ISM2: variants seen among roughly 807,000 people sequenced by gnomAD.
ISM2 encodes isthmin 2.
Under a neutral mutation model 58.0 loss-of-function variants are expected in ISM2, and 50 were observed. The ratio of observed to expected loss-of-function variants is 0.86; its 90% CI spans 0.69 to 1.09. The LOEUF is 1.09. ISM2 is among the 50% of genes least tolerant of loss of function. ISM2 has a pLI of 0.00. For missense variants in ISM2, 723 were observed against 745.0 expected, an observed-to-expected ratio of 0.97 and a Z score of 0.34; for synonymous variants, 303 against 312.4, an observed-to-expected ratio of 0.97 and a Z score of 0.32.
At chr14:77,496,890 A>G (rs1238773764) in intron 1 of ISM2, among the ~76,000 whole-genome samples, 2 of 151,326 alleles carry the variant, frequency 1.3e-5, no homozygotes, top group Non-Finnish European at 2.9e-5. Context: ...AAGGGGGCAG[A>G]AAAAAAGGTA....
At chr14:77,488,515 C>T (rs2139967083) in intron 1 of ISM2, among the ~76,000 whole-genome samples, 1 of 152,292 alleles carries the variant, frequency 6.6e-6, no homozygotes, top group Non-Finnish European at 1.5e-5. Flanking sequence ...TGAGTTCAGG[C>T]TGGAGTCCAC....
intron 1 of ISM2, among the ~76,000 whole-genome samples, chr14:77,489,247 A>C (rs1009556820): frequency 1.1e-4 from 17 of 152,048 alleles, no homozygotes; most frequent in African/African-American, 4.1e-4. Context: ...TGGATAATTA[A>C]ATTCAGTCAC....
At chr14:77,491,717 G>A (rs146305228) in intron 1 of ISM2, among the ~76,000 whole-genome samples, 9,176 of 117,156 alleles carry the variant, frequency 0.078, 467 homozygotes, top group Admixed American at 0.18. Flanking sequence ...TTTTTTTTGA[G>A]ATGGAATCTC....
At chr14:77,498,171 C>T (rs2079259332) in intron 1 of ISM2, 18 of 1,096,196 alleles carry the variant, frequency 1.6e-5, no homozygotes, top group Non-Finnish European at 1.9e-5. Flanking sequence ...CCACCCCTGC[C>T]GGCGGCTGGA....
At chr14:77,496,799 GAAAAAAAAAAAAAA>G (rs772342344) in intron 1 of ISM2, among the ~76,000 whole-genome samples, 34 of 25,800 alleles carry the variant, frequency 1.3e-3, no homozygotes, top group Admixed American at 3.2e-3. Flanking sequence ...TCCATCTCAG[GAAAAAAAAAAAAAA>G]AAAAAAAAAA....
chr14:77,497,911 C>T (rs1477588657), intron 1 of ISM2, among the ~76,000 whole-genome samples: 1 of 152,078 alleles, frequency 6.6e-6, no homozygotes, highest in African/African-American at 2.4e-5. Context: ...AGACCTAAGA[C>T]CACCTGCCAC....
Position 77,482,591 on chromosome 14 carries a change from G to A in ISM2, c.704C>T (p.Pro235Leu). ...DLLAEPSNPP[P>L]QDTLSWLPAL... ...GGGCAGCCAGCTAAGGGTATCCTGG[G>A]GCGGGGGATTGCTGGGCTCAGCCAA... The change falls in exon 4 of 7, where the codon CCC becomes CTC. Residue 235 changes from proline (P) to leucine (L), a missense_variant. Physicochemically the swap from Pro to Leu is moderately conservative, Grantham distance 98. Transcript: ENST00000342219. 1 of 1,611,736 alleles carries A rather than the reference G, an allele frequency of 6.2e-7. No individual in the cohort carries two copies. The highest frequency in any genetic ancestry group is 8.5e-7 in the Non-Finnish European group (1 of 1,178,870).
At chr14:77,476,231 A>G in intron 6 of ISM2, 119 bp from the exon 7 acceptor site, 1 of 1,171,918 alleles carries the variant, frequency 8.5e-7, no homozygotes, top group East Asian at 2.5e-5. Flanking sequence ...GCTGGTGCAA[A>G]GGCGTGGCTT....
intron 5 of ISM2, 26 bp downstream of exon 5, chr14:77,478,549 T>A (rs763475151): frequency 6.2e-7 from 1 of 1,602,508 alleles, no homozygotes; most frequent in Admixed American, 1.7e-5. Flanking sequence ...CAGCCACTCC[T>A]ATGCAGGGGT....
intron 6 of ISM2, among the ~76,000 whole-genome samples, chr14:77,477,428 T>G (rs1406253531): frequency 6.6e-6 from 1 of 152,126 alleles, no homozygotes; most frequent in African/African-American, 2.4e-5. Context: ...GGATTTGGGT[T>G]TTGACTGGGA....
chr14:77,490,020 T>A (rs572773409), intron 1 of ISM2, among the ~76,000 whole-genome samples: 1 of 152,248 alleles, frequency 6.6e-6, no homozygotes, highest in South Asian at 2.1e-4. Context: ...CCCGCCACCA[T>A]GCCCAGCTAA....
chr14:77,478,171 G>T, intron 6 of ISM2, 71 bp downstream of exon 6: 1 of 1,296,588 alleles, frequency 7.7e-7, no homozygotes, highest in Non-Finnish European at 1.1e-6. Flanking sequence ...TCCTGCCATG[G>T]AATAATACCC....
intron 6 of ISM2, among the ~76,000 whole-genome samples, chr14:77,477,977 G>T (rs1293507212): frequency 4.6e-5 from 7 of 152,188 alleles, no homozygotes; most frequent in African/African-American, 1.7e-4. Context: ...TGCTGCCAGG[G>T]AGGATAGGAT....
chr14:77,474,583 GGT>G lies in ISM2; in HGVS notation c.*1010_*1011del, dbSNP rs2079084737. On this transcript the variant is annotated 3_prime_UTR_variant, in exon 7 of 7. Coordinates refer to ENST00000342219, the MANE Select transcript of ISM2 (RefSeq NM_199296.3). ...ATGGGGAGGCAGGGAAGAGGCATGA[GGT>G]GTGCCGGGAGAGCGATTATGTGCAT... The G allele has an allele frequency of 6.6e-6, 1 of 152,306 alleles. No homozygotes were observed. The highest frequency in any genetic ancestry group is 2.4e-5 in the African/African-American group (1 of 41,434). 9.4% of individuals were successfully genotyped at this position (152,306 alleles called of 1,614,324 possible). A position where few individuals can be genotyped will look rare whatever the true frequency, so the allele number is the denominator to read the frequency against.
At chr14:77,478,919 T>A (rs577375534) in intron 4 of ISM2, among the ~76,000 whole-genome samples, 42 of 152,158 alleles carry the variant, frequency 2.8e-4, no homozygotes, top group African/African-American at 1.0e-3. Flanking sequence ...TGCAAATATA[T>A]CAGGTGGCTC....
At chr14:77,497,757 GGGAGGGAGGGAGGGAAGGAA>G (rs1368204674) in intron 1 of ISM2, among the ~76,000 whole-genome samples, 4 of 94,154 alleles carry the variant, frequency 4.2e-5, no homozygotes, top group South Asian at 3.9e-4. Context: ...GAGGGAGGGA[GGGAGGGAGGGAGGGAAGGAA>G]GGAAGGAAGG....
At chr14:77,478,119 A>T in intron 6 of ISM2, 123 bp downstream of exon 6, 1 of 797,564 alleles carries the variant, frequency 1.3e-6, no homozygotes, top group Non-Finnish European at 2.1e-6. Context: ...CAAACCTTCC[A>T]GATGGAAGCT....
chr14:77,491,169 G>T (rs6574375), intron 1 of ISM2, among the ~76,000 whole-genome samples: 2 of 152,182 alleles, frequency 1.3e-5, no homozygotes, highest in East Asian at 3.8e-4. Flanking sequence ...AAGTGCTGGG[G>T]GGGCACCCCC....
chr14:77,491,705 T>G (rs2079206072), intron 1 of ISM2, among the ~76,000 whole-genome samples: 1 of 147,886 alleles, frequency 6.8e-6, no homozygotes, highest in African/African-American at 2.5e-5. Context: ...TTTTTTTTTT[T>G]TTTTTTTTTG....
Sources: gnomAD v4.1 joint callset for allele counts (sites outside exome capture counted in the v4.1 genomes callset) on GRCh38, gnomAD v4.1.1 for gene constraint, MANE v1.5 for transcripts, NCBI Gene and HGNC (gene_info 2026-07-23, HGNC 2026-07-21) for gene names.